The following CTNNA2 variants were observed in gnomAD, a reference collection of about 807,000 sequenced individuals.
CTNNA2 encodes catenin alpha-2.
CTNNA2 carries 42 observed loss-of-function variants against 101.0 expected under a neutral mutation model. That is an observed-to-expected ratio of 0.42 (90% confidence interval 0.32 to 0.54). The LOEUF (loss-of-function observed/expected upper bound fraction) is 0.54, where lower values mean the gene tolerates loss of function less well. Ranked by LOEUF, CTNNA2 falls within the 20% of genes least tolerant of loss-of-function variation. The probability of loss-of-function intolerance (pLI) is 0.14; values close to 1 mark genes in which losing one functional copy is unlikely to be tolerated. For synonymous variants in CTNNA2, 450 were observed against 456.4 expected (o/e 0.99, Z 0.18); for missense variants, 871 against 1,223.1 (o/e 0.71, Z 4.29).
chr2:79,717,319 A>G (rs1314188984), intron 2 of CTNNA2, among the ~76,000 whole-genome samples: 1 of 152,214 alleles, frequency 6.6e-6, no homozygotes, highest in East Asian at 1.9e-4. Context: ...GTTTCCTTCC[A>G]TCACTTTTTC....
chr2:79,687,790 C>T (rs922962289), intron 2 of CTNNA2: 3 of 475,972 alleles, frequency 6.3e-6, no homozygotes, highest in African/African-American at 2.0e-5. Context: ...GCTTGAAATA[C>T]AGGCGCCAAA....
At chr2:79,729,452 C>A (rs1687069052) in intron 2 of CTNNA2, among the ~76,000 whole-genome samples, 1 of 152,106 alleles carries the variant, frequency 6.6e-6, no homozygotes, top group South Asian at 2.1e-4. Context: ...TGTCCCCTGA[C>A]CCGTGCTGCT....
At chr2:79,940,967 A>G (rs1307628571) in intron 7 of CTNNA2, among the ~76,000 whole-genome samples, 1 of 152,204 alleles carries the variant, frequency 6.6e-6, no homozygotes, top group Non-Finnish European at 1.5e-5. Context: ...GTCGAGGACC[A>G]TGCATACTGC....
At chr2:80,283,285 A>G (rs1052897349) in intron 7 of CTNNA2, among the ~76,000 whole-genome samples, 2 of 152,074 alleles carry the variant, frequency 1.3e-5, no homozygotes, top group Non-Finnish European at 2.9e-5. Context: ...GAGGGGAGAG[A>G]ATATCAGAGA....
intron 4 of CTNNA2, among the ~76,000 whole-genome samples, chr2:79,437,310 CTG>C (rs961415465): frequency 6.6e-5 from 10 of 151,992 alleles, no homozygotes; most frequent in Non-Finnish European, 1.0e-4. Context: ...ACTTCTCAAA[CTG>C]TAAGTTGCAC....
At chr2:80,195,666 G>T (rs1706782285) in intron 7 of CTNNA2, among the ~76,000 whole-genome samples, 2 of 148,638 alleles carry the variant, frequency 1.3e-5, no homozygotes, top group South Asian at 4.2e-4. Flanking sequence ...CATTAAAAAT[G>T]CAAAGCAATT....
At chr2:79,928,279 T>C (rs1687163998) in intron 7 of CTNNA2, among the ~76,000 whole-genome samples, 2 of 152,206 alleles carry the variant, frequency 1.3e-5, no homozygotes, top group Admixed American at 1.3e-4. Context: ...TCATGCACTT[T>C]GTTGACTTAC....
chr2:80,474,803 G>A (rs72914980), intron 9 of CTNNA2, among the ~76,000 whole-genome samples: 2,695 of 152,208 alleles, frequency 0.018, 83 homozygotes, highest in African/African-American at 0.061. Flanking sequence ...AAATAAAACC[G>A]TGGTAGAATT....
At chr2:80,537,293 T>C (rs1377884416) in intron 9 of CTNNA2, among the ~76,000 whole-genome samples, 7 of 152,212 alleles carry the variant, frequency 4.6e-5, no homozygotes, top group Non-Finnish European at 8.8e-5. Context: ...CTGTGGTGTA[T>C]ATGTGCCATA....
At chr2:80,416,170 T>A (rs1680026444) in intron 8 of CTNNA2, among the ~76,000 whole-genome samples, 1 of 152,058 alleles carries the variant, frequency 6.6e-6, no homozygotes, top group Admixed American at 6.6e-5. Flanking sequence ...CTGTGCTGTA[T>A]GCTTGAAATT....
intron 7 of CTNNA2, among the ~76,000 whole-genome samples, chr2:79,937,139 T>C (rs1687846185): frequency 6.6e-6 from 1 of 152,228 alleles, no homozygotes; most frequent in African/African-American, 2.4e-5. Flanking sequence ...TTCAATTTCT[T>C]GTCATTTCTA....
intron 12 of CTNNA2, among the ~76,000 whole-genome samples, chr2:80,559,878 T>TATATCTATATCTATATCTATATC (rs1693393440): frequency 6.1e-5 from 7 of 113,936 alleles, no homozygotes; most frequent in African/African-American, 1.8e-4. Flanking sequence ...GATATCATAT[T>TATATCTATATCTATATCTATATC]TATATATATA....
At chr2:80,237,709 A>G (rs956825777) in intron 7 of CTNNA2, among the ~76,000 whole-genome samples, 1 of 152,168 alleles carries the variant, frequency 6.6e-6, no homozygotes, top group Non-Finnish European at 1.5e-5. Context: ...CAAGGTTCTA[A>G]GGATCTGCAT....
At chr2:80,004,990 CCAAA>C (rs1205185069) in intron 7 of CTNNA2, among the ~76,000 whole-genome samples, 1 of 152,142 alleles carries the variant, frequency 6.6e-6, no homozygotes, top group African/African-American at 2.4e-5. Context: ...GCCACCGTGC[CCAAA>C]CAGAGGCAAC....
chr2:79,878,711 A>T (rs1364952176), intron 6 of CTNNA2, among the ~76,000 whole-genome samples: 1 of 152,204 alleles, frequency 6.6e-6, no homozygotes, highest in Non-Finnish European at 1.5e-5. Context: ...TTCCTTGTAA[A>T]TTCTGAATAT....
At chr2:80,605,338 C>A (rs1373907352) in intron 16 of CTNNA2, 2 of 151,866 alleles carry the variant, frequency 1.3e-5, no homozygotes, top group Non-Finnish European at 2.9e-5. Context: ...CAGTTTGAAC[C>A]ACTTTGGATG....
intron 3 of CTNNA2, among the ~76,000 whole-genome samples, chr2:79,358,463 G>A (rs141001017): frequency 4.9e-4 from 74 of 152,316 alleles, no homozygotes; most frequent in African/African-American, 1.8e-3. Context: ...GCCTCCCAAA[G>A]TGCTGGGAGT....
At chr2:80,009,694 A>C (rs1386005972) in intron 7 of CTNNA2, among the ~76,000 whole-genome samples, 1 of 151,354 alleles carries the variant, frequency 6.6e-6, no homozygotes. Flanking sequence ...GGATACTAGA[A>C]AAAATGTAGA....
chr2:79,378,982 C>T (rs1678009824), intron 4 of CTNNA2, among the ~76,000 whole-genome samples: 2 of 152,132 alleles, frequency 1.3e-5, no homozygotes. Context: ...ACATCTCTCA[C>T]CTTCCCAGCC....
Sources: gnomAD v4.1 joint callset for allele counts (sites outside exome capture counted in the v4.1 genomes callset) on GRCh38, gnomAD v4.1.1 for gene constraint, MANE v1.5 for transcripts, NCBI Gene and HGNC (gene_info 2026-07-23, HGNC 2026-07-21) for gene names.